Variants in LONRF2 observed in about 807,000 individuals in gnomAD.
LONRF2 encodes LON peptidase N-terminal domain and ring finger 2, also known as LON peptidase N-terminal domain and RING finger protein 2.
A neutral mutation model predicts 66.6 loss-of-function variants in LONRF2; 35 were observed. The ratio of observed to expected loss-of-function variants is 0.53; its 90% CI spans 0.40 to 0.70. LONRF2 has a LOEUF of 0.70. Among genes scored for constraint, LONRF2 ranks in the 30% least tolerant of loss-of-function variants. LONRF2 has a pLI of 0.00. For synonymous variants in LONRF2, 417 were observed against 418.1 expected, an observed-to-expected ratio of 1.00 and a Z score of 0.03; for missense variants, 902 against 1,002.1, an observed-to-expected ratio of 0.90 and a Z score of 1.35.
chr2:100,296,611 C>T (rs1675072589), intron 7 of LONRF2, among the ~76,000 whole-genome samples: 1 of 152,158 alleles, frequency 6.6e-6, no homozygotes, highest in African/African-American at 2.4e-5. Flanking sequence ...AAATGTATTG[C>T]TGTGATTGAC....
chr2:100,303,944 C>T (rs950275895), intron 2 of LONRF2, among the ~76,000 whole-genome samples: 2 of 151,982 alleles, frequency 1.3e-5, no homozygotes, highest in African/African-American at 2.4e-5. Context: ...ATTGCACATA[C>T]GTTGTACCAC....
rs1446716503 is a variant in LONRF2, at chr2:100,299,337, T to A, written c.1268-18A>T. ...TGAGAGATCTGAATGCGAAAAAATT[T>A]AAAACGCTGTAATTAACACCTAAGC... On this transcript the variant is annotated intron_variant, in intron 5 of 11. Transcript: ENST00000393437. 2 of 1,465,254 alleles carry A rather than the reference T, an allele frequency of 1.4e-6. No individual in the cohort carries two copies. The highest frequency in any genetic ancestry group is 1.9e-6 in the Non-Finnish European group (2 of 1,075,678). The allele number at this position is 1,465,254 out of a possible 1,614,324, so 90.8% of individuals were successfully genotyped here.
chr2:100,308,855 G>C (rs1675348728), intron 2 of LONRF2, among the ~76,000 whole-genome samples: 1 of 151,886 alleles, frequency 6.6e-6, no homozygotes, highest in Admixed American at 6.6e-5. Context: ...TTTCAATGTA[G>C]AGAGCATATT....
intron 1 of LONRF2, among the ~76,000 whole-genome samples, chr2:100,320,739 C>T (rs1334318378): frequency 6.6e-6 from 1 of 152,202 alleles, no homozygotes; most frequent in Non-Finnish European, 1.5e-5. Flanking sequence ...TTTGGTCTTC[C>T]TTTCAGCTAA....
At position 100,272,799 on chromosome 2, in the gene LONRF2, T is replaced by C. The variant is rs1674526476; in HGVS notation, c.*11499A>G. Among the ~76,000 whole-genome samples, 1 of 152,222 alleles carries C rather than the reference T, an allele frequency of 6.6e-6. No individual in the cohort carries two copies. The highest frequency in any genetic ancestry group is 1.9e-4 in the East Asian group (1 of 5,196). On this transcript the variant is annotated 3_prime_UTR_variant, in exon 12 of 12. Transcript: ENST00000393437. ...TATACAAGCTTCAGTTCTTATTAAATCTTATCTGCCTTGGATAGAAATGAT... is the reference window on the plus strand; with the variant it reads ...TATACAAGCTTCAGTTCTTATTAAACCTTATCTGCCTTGGATAGAAATGAT...
At chr2:100,295,305 A>G (rs568700976) in intron 8 of LONRF2, 127 bp downstream of exon 8, 2 of 771,966 alleles carry the variant, frequency 2.6e-6, no homozygotes, top group Admixed American at 3.0e-5. Flanking sequence ...ATATTTTGCA[A>G]TTAACATCCT....
intron 2 of LONRF2, among the ~76,000 whole-genome samples, chr2:100,307,672 C>A (rs912780147): frequency 3.9e-5 from 6 of 152,086 alleles, no homozygotes; most frequent in East Asian, 1.9e-4. Flanking sequence ...TATTATGATA[C>A]CATATGTTGA....
chr2:100,320,055 T>C (rs926120257), intron 1 of LONRF2, among the ~76,000 whole-genome samples: 1 of 152,248 alleles, frequency 6.6e-6, no homozygotes, highest in Admixed American at 6.5e-5. Flanking sequence ...ATGCAAAATA[T>C]ATAACGAATT....
At chr2:100,311,615 C>A (rs1257434390) in intron 1 of LONRF2, among the ~76,000 whole-genome samples, 1 of 152,106 alleles carries the variant, frequency 6.6e-6, no homozygotes, top group Non-Finnish European at 1.5e-5. Flanking sequence ...ATAGTGACAG[C>A]ATTTTCTCTT....
chr2:100,310,402 G>A (rs1055693203), intron 1 of LONRF2, among the ~76,000 whole-genome samples: 6 of 152,144 alleles, frequency 3.9e-5, no homozygotes, highest in Non-Finnish European at 5.9e-5. Context: ...CCTAATGTAC[G>A]TTTTCAGTTT....
rs1466051902 is a variant in LONRF2, at chr2:100,273,020, T to G, written c.*11278A>C. On this transcript the variant is annotated 3_prime_UTR_variant, in exon 12 of 12. Coordinates refer to ENST00000393437, the MANE Select transcript of LONRF2 (RefSeq NM_198461.4). ...CTTTGCAGATGTAATCAAGTTAAGA[T>G]GAGGTCATCCTGGATTAGGGTGGAA... 6.6e-6 allele frequency among the ~76,000 whole-genome samples: 1 copy of G among 152,232 alleles called. No homozygotes were observed. Among genetic ancestry groups the G allele is most frequent in the Non-Finnish European group, 1.5e-5 (1 of 68,038 alleles).
chr2:100,307,268 G>T (rs1675318189), intron 2 of LONRF2, among the ~76,000 whole-genome samples: 2 of 152,096 alleles, frequency 1.3e-5, no homozygotes, highest in Non-Finnish European at 2.9e-5. Flanking sequence ...TCTTCACTGG[G>T]CATCTGTCAA....
chr2:100,318,428 C>A (rs976529463), intron 1 of LONRF2, among the ~76,000 whole-genome samples: 1 of 152,168 alleles, frequency 6.6e-6, no homozygotes, highest in Non-Finnish European at 1.5e-5. Flanking sequence ...CATGGCTCCA[C>A]CTAATCACAA....
At chr2:100,289,430 C>CTTTTTTT (rs10543662) in intron 10 of LONRF2, among the ~76,000 whole-genome samples, 4 of 77,092 alleles carry the variant, frequency 5.2e-5, no homozygotes, top group Non-Finnish European at 6.6e-5. Flanking sequence ...ACAATAAGGT[C>CTTTTTTT]TTTTTTTTTT....
At position 100,290,235 on chromosome 2, in the gene LONRF2, T is replaced by C. The variant is rs773677870; in HGVS notation, c.1920+23A>G. 5 of 1,597,148 alleles carry C rather than the reference T, an allele frequency of 3.1e-6. No homozygotes were observed. In the East Asian group the frequency reaches 9.0e-5, roughly 29 times the overall value. ...AGCGAGAGGACCGACTGCTATAAAA[T>C]ACACCAGTATGATAAGCCTTACCTT... On this transcript the variant is annotated intron_variant, in intron 10 of 11. Transcript: ENST00000393437.
chr2:100,300,128 A>G (rs970359673), intron 4 of LONRF2, among the ~76,000 whole-genome samples: 9 of 151,352 alleles, frequency 5.9e-5, no homozygotes, highest in African/African-American at 2.2e-4. Flanking sequence ...GAGCCAGGGC[A>G]AGTGAAAAGT....
At chr2:100,284,577 CACG>C in intron 11 of LONRF2, 85 bp from the exon 12 acceptor site, 1 of 1,157,058 alleles carries the variant, frequency 8.6e-7, no homozygotes, top group Non-Finnish European at 1.2e-6. Context: ...CACCAACAGA[CACG>C]TGAGCAAGAA....
At chr2:100,303,957 C>T (rs1675236673) in intron 2 of LONRF2, among the ~76,000 whole-genome samples, 1 of 152,074 alleles carries the variant, frequency 6.6e-6, no homozygotes, top group African/African-American at 2.4e-5. Flanking sequence ...TGTACCACTT[C>T]ATATTGTCCC....
At chr2:100,286,117 GA>G (rs925425040) in intron 11 of LONRF2, among the ~76,000 whole-genome samples, 5 of 149,450 alleles carry the variant, frequency 3.3e-5, no homozygotes, top group East Asian at 3.9e-4. Context: ...TCTGTGTTTG[GA>G]AAAAAAAAGA....
Sources: gnomAD v4.1 joint callset for allele counts (sites outside exome capture counted in the v4.1 genomes callset) on GRCh38, gnomAD v4.1.1 for gene constraint, MANE v1.5 for transcripts, NCBI Gene and HGNC (gene_info 2026-07-23, HGNC 2026-07-21) for gene names.